Variants in CPSF4L observed in about 807,000 individuals in gnomAD.
CPSF4L encodes cleavage and polyadenylation specific factor 4 like.
CPSF4L carries 18 observed loss-of-function variants against 24.0 expected under a neutral mutation model. The observed-to-expected ratio is 0.75, with a 90% CI of 0.52 to 1.11. The LOEUF (loss-of-function observed/expected upper bound fraction) is 1.11. CPSF4L is among the 50% of genes least tolerant of loss of function. The pLI is 0.00. For synonymous variants in CPSF4L, 72 were observed against 77.2 expected (o/e 0.93, Z 0.35); for missense variants, 211 against 221.8 (o/e 0.95, Z 0.31).
the CPSF4L span, chr17:73,242,361 G>A: frequency 1.3e-6 from 2 of 1,521,814 alleles, no homozygotes; most frequent in South Asian, 2.4e-5. Context: ...GGTGAGGCTG[G>A]AGTTTGACTG....
intron 5 of CPSF4L, among the ~76,000 whole-genome samples, chr17:73,252,169 G>A (rs1288404759): frequency 6.6e-6 from 1 of 152,210 alleles, no homozygotes; most frequent in Admixed American, 6.5e-5. Flanking sequence ...TGTAACTCGG[G>A]TTGAGTAAAA....
upstream of CPSF4L, chr17:73,262,068 G>T: frequency 1.9e-6 from 1 of 530,380 alleles, no homozygotes; most frequent in South Asian, 2.5e-5. Flanking sequence ...GTGTACACAA[G>T]GCTCACTCGG....
intron 5 of CPSF4L, among the ~76,000 whole-genome samples, chr17:73,249,249 T>C (rs1461236237): frequency 6.6e-6 from 1 of 152,226 alleles, no homozygotes; most frequent in African/African-American, 2.4e-5. Flanking sequence ...GAGGCCCTAC[T>C]GCAATCCACA....
chr17:73,248,607 G>A (rs940155797), intron 5 of CPSF4L, 71 bp from the exon 6 acceptor site: 50 of 1,440,814 alleles, frequency 3.5e-5, no homozygotes, highest in Non-Finnish European at 4.5e-5. Context: ...CATCCATCCC[G>A]CAGAAGAGGC....
At chr17:73,248,296 G>A (rs988005799), downstream of CPSF4L, 24 of 579,806 alleles carry the variant, frequency 4.1e-5, no homozygotes, top group Admixed American at 2.2e-4. Context: ...AAGCCAGTAC[G>A]CTTCAGGTGT....
chr17:73,247,175 C>G, downstream of CPSF4L: 1 of 1,404,394 alleles, frequency 7.1e-7, no homozygotes, highest in Middle Eastern at 2.0e-4. Context: ...ACAGCAAAGT[C>G]GAGTAGTTGC....
downstream of CPSF4L, among the ~76,000 whole-genome samples, chr17:73,246,367 C>CA (rs375109385): frequency 2.8e-4 from 42 of 149,408 alleles, no homozygotes; most frequent in East Asian, 1.6e-3. Context: ...TCCATCTCTA[C>CA]AAAAAAAAAA....
At chr17:73,254,938 G>T (rs1022089099) in intron 3 of CPSF4L, among the ~76,000 whole-genome samples, 1 of 151,994 alleles carries the variant, frequency 6.6e-6, no homozygotes, top group African/African-American at 2.4e-5. Flanking sequence ...CACCACGCCC[G>T]GACCCAGGTG....
At chr17:73,246,406 C>T (rs2061951129), downstream of CPSF4L, among the ~76,000 whole-genome samples, 1 of 152,160 alleles carries the variant, frequency 6.6e-6, no homozygotes, top group Non-Finnish European at 1.5e-5. Context: ...CTCAGTGGCA[C>T]ACGCCTGTAG....
chr17:73,248,705 T>A, intron 5 of CPSF4L, 169 bp from the exon 6 acceptor site: 1 of 698,552 alleles, frequency 1.4e-6, no homozygotes, highest in Non-Finnish European at 2.5e-6. Context: ...CGGACATGCC[T>A]GAATACCCCG....
At chr17:73,242,174 C>T in the CPSF4L span, 23 of 1,015,850 alleles carry the variant, frequency 2.3e-5, no homozygotes, top group Middle Eastern at 6.4e-4. Flanking sequence ...GTGGATCCTT[C>T]GGCACTGGAT....
intron 5 of CPSF4L, chr17:73,251,180 G>C: frequency 7.2e-7 from 1 of 1,387,028 alleles, no homozygotes; most frequent in Non-Finnish European, 9.5e-7. Flanking sequence ...ACAGAGGGCC[G>C]GGACGCTGGC....
At chr17:73,247,939 T>C (rs1487863096), downstream of CPSF4L, 1 of 154,324 alleles carries the variant, frequency 6.5e-6, no homozygotes, top group African/African-American at 2.4e-5. Context: ...GCCACCTGGG[T>C]TGGGAAAATA....
the CPSF4L span, chr17:73,243,051 A>C: frequency 7.5e-7 from 1 of 1,329,530 alleles, no homozygotes; most frequent in Non-Finnish European, 1.1e-6. Context: ...CCATTCCGTT[A>C]TGTGGACCTC....
chr17:73,250,031 T>C, intron 5 of CPSF4L: 2 of 466,146 alleles, frequency 4.3e-6, no homozygotes, highest in Non-Finnish European at 7.5e-6. Flanking sequence ...GTTTTATGGA[T>C]AACTCGTTCC....
downstream of CPSF4L, among the ~76,000 whole-genome samples, chr17:73,246,521 A>G (rs1346942540): frequency 3.3e-5 from 5 of 152,186 alleles, no homozygotes; most frequent in Admixed American, 2.0e-4. Flanking sequence ...GGGTGATGGA[A>G]GTGAAACCTT....
intron 5 of CPSF4L, chr17:73,251,033 TGGGGATG>T: frequency 6.5e-7 from 1 of 1,549,706 alleles, no homozygotes; most frequent in Non-Finnish European, 8.7e-7. Flanking sequence ...GGCACTCTGT[TGGGGATG>T]GGGGTTTCCA....
At chr17:73,245,165 A>G (rs776820689), downstream of CPSF4L, 6 of 1,613,656 alleles carry the variant, frequency 3.7e-6, no homozygotes, top group Admixed American at 8.3e-5. Flanking sequence ...TGTTTATCCA[A>G]AGAGCTGCAG....
At chr17:73,248,256 A>G, downstream of CPSF4L, 1 of 505,722 alleles carries the variant, frequency 2.0e-6, no homozygotes, top group East Asian at 3.3e-5. Flanking sequence ...CTCAGAACGA[A>G]TAGTAGACAA....
Sources: allele counts gnomAD v4.1 joint callset (sites outside exome capture counted in the v4.1 genomes callset), GRCh38; gene constraint gnomAD v4.1.1; transcripts MANE v1.5; gene names NCBI Gene and HGNC (gene_info 2026-07-23, HGNC 2026-07-21).